The following CSTF3 variants were observed in gnomAD, a reference collection of about 807,000 sequenced individuals.
CSTF3 encodes cleavage stimulation factor subunit 3, also known as CF-1 77 kDa subunit.
In CSTF3, 29 loss-of-function variants were observed where a neutral mutation model predicts 105.8. The ratio of observed to expected loss-of-function variants is 0.27; its 90% CI spans 0.20 to 0.37. The LOEUF (loss-of-function observed/expected upper bound fraction) is 0.37. CSTF3 is among the 10% of genes least tolerant of loss of function. CSTF3 has a pLI of 1.00. For synonymous variants in CSTF3, 252 were observed against 281.9 expected, an observed-to-expected ratio of 0.89 and a Z score of 1.06; for missense variants, 357 against 879.3, an observed-to-expected ratio of 0.41 and a Z score of 7.51.
At chr11:33,150,680 AC>A (rs908910722) in intron 1 of CSTF3, among the ~76,000 whole-genome samples, 1 of 151,872 alleles carries the variant, frequency 6.6e-6, no homozygotes, top group Non-Finnish European at 1.5e-5. Context: ...ACATTGCGAA[AC>A]CCCATCTCTA....
intron 15 of CSTF3, among the ~76,000 whole-genome samples, chr11:33,095,819 C>A (rs868803506): frequency 6.2e-5 from 9 of 146,132 alleles, no homozygotes; most frequent in South Asian, 2.3e-4. Context: ...GACTCTGTCT[C>A]AAATAAATAA....
intron 15 of CSTF3, 31 bp from the exon 16 acceptor site, chr11:33,092,371 TA>T: frequency 7.0e-7 from 1 of 1,438,080 alleles, no homozygotes; most frequent in Middle Eastern, 1.8e-4. Context: ...TTAATTTTTT[TA>T]ATTCACTTTT....
chr11:33,114,622 G>A (rs901828615), intron 3 of CSTF3, among the ~76,000 whole-genome samples: 6 of 152,022 alleles, frequency 3.9e-5, no homozygotes, highest in Middle Eastern at 3.2e-3. Flanking sequence ...AGGCCGAGGC[G>A]GGTGGATCAC....
chr11:33,095,150 T>G (rs1855206852), intron 15 of CSTF3, among the ~76,000 whole-genome samples: 1 of 152,212 alleles, frequency 6.6e-6, no homozygotes, highest in South Asian at 2.1e-4. Context: ...TCTGCCTGCC[T>G]CGGCTTCCCA....
chr11:33,107,244 G>T (rs1334722981), intron 5 of CSTF3, among the ~76,000 whole-genome samples: 1 of 152,186 alleles, frequency 6.6e-6, no homozygotes, highest in African/African-American at 2.4e-5. Flanking sequence ...TTGAGCCCAA[G>T]AGGTTGAGGC....
In CSTF3 at chr11:33,107,898, C is replaced by A. The variant is rs1183430655; in HGVS notation, c.356+5G>T. ...TTGCATTCTTAAGATCCTGGTTTCA[C>A]TTACTTGTAACTTGGTAGTTTACCC... On this transcript the variant is annotated splice_donor_5th_base_variant and intron_variant, in intron 5 of 20. Coordinates refer to ENST00000323959, the MANE Select transcript of CSTF3 (RefSeq NM_001326.3). 6.4e-7 allele frequency: 1 copy of A among 1,570,602 alleles called. No homozygotes were observed. Among genetic ancestry groups the A allele is most frequent in the Non-Finnish European group, 8.7e-7 (1 of 1,145,042 alleles).
chr11:33,147,280 G>A (rs1432525304), intron 1 of CSTF3, among the ~76,000 whole-genome samples: 1 of 151,846 alleles, frequency 6.6e-6, no homozygotes, highest in African/African-American at 2.4e-5. Context: ...CTGGGTGACA[G>A]TGAGACACTG....
In CSTF3 at chr11:33,141,939, T is replaced by TAA; in HGVS notation, c.73_74dup (p.Leu25PhefsTer2). Reference sequence around the variant, plus strand: ...CATCAAGGTCATATGGATTCTCTTCTAATTTCTTTTCCGCTTTCTTCACCT... The same window carrying TAA: ...CATCAAGGTCATATGGATTCTCTTCTAAAATTTCTTTTCCGCTTTCTTCACCT... On this transcript the variant is annotated frameshift_variant, in exon 2 of 21. Coordinates refer to ENST00000323959, the MANE Select transcript of CSTF3 (RefSeq NM_001326.3). LOFTEE classifies it high-confidence loss of function. 1 of 1,612,076 alleles carries TAA rather than the reference T, an allele frequency of 6.2e-7. No individual in the cohort carries two copies. The highest frequency in any genetic ancestry group is 8.5e-7 in the Non-Finnish European group (1 of 1,179,436).
intron 3 of CSTF3, among the ~76,000 whole-genome samples, chr11:33,114,440 T>G (rs1166887737): frequency 1.4e-5 from 2 of 146,414 alleles, no homozygotes; most frequent in Admixed American, 1.4e-4. Flanking sequence ...AATTCAATTT[T>G]TTCCCTTATC....
chr11:33,129,476 A>G (rs1855577041), intron 3 of CSTF3, among the ~76,000 whole-genome samples: 1 of 152,038 alleles, frequency 6.6e-6, no homozygotes, highest in Non-Finnish European at 1.5e-5. Flanking sequence ...TTACTACCAG[A>G]TGACTTTTCT....
intron 3 of CSTF3, among the ~76,000 whole-genome samples, chr11:33,131,653 T>A (rs548459369): frequency 1.3e-4 from 20 of 151,872 alleles, no homozygotes; most frequent in Non-Finnish European, 2.8e-4. Context: ...GAGACCATCC[T>A]GGCTAACACA....
At chr11:33,149,621 CAG>C (rs1160215249) in intron 1 of CSTF3, among the ~76,000 whole-genome samples, 1 of 152,200 alleles carries the variant, frequency 6.6e-6, no homozygotes, top group South Asian at 2.1e-4. Context: ...ACAGGCTGGG[CAG>C]AGTGGCTCCC....
chr11:33,105,970 T>G (rs753750144), intron 6 of CSTF3, 28 bp downstream of exon 6: 24 of 1,584,082 alleles, frequency 1.5e-5, no homozygotes, highest in Non-Finnish European at 2.1e-5. Flanking sequence ...TACATTTAAG[T>G]GCATACATTA....
At chr11:33,122,552 A>G (rs1855501536) in intron 3 of CSTF3, among the ~76,000 whole-genome samples, 1 of 152,202 alleles carries the variant, frequency 6.6e-6, no homozygotes, top group Non-Finnish European at 1.5e-5. Context: ...AAACATTAAG[A>G]CTTAATTAAA....
chr11:33,147,411 A>G (rs1224888667), intron 1 of CSTF3, among the ~76,000 whole-genome samples: 1 of 150,724 alleles, frequency 6.6e-6, no homozygotes, highest in Non-Finnish European at 1.5e-5. Flanking sequence ...CCTGGCCAAC[A>G]TAGTAAAACC....
chr11:33,155,846 G>A (rs1407367), intron 1 of CSTF3, among the ~76,000 whole-genome samples: 83,176 of 150,520 alleles, frequency 0.55, 25,278 homozygotes, highest in Non-Finnish European at 0.68. Context: ...TAAAATCACC[G>A]TCACCAAATC....
In CSTF3 at chr11:33,161,442, C is replaced by T. The variant is rs1849942567; in HGVS notation, c.-117G>A. The stretch of plus-strand genomic sequence containing the variant: ...TACCCCCTGCCCAGCTGAGCCAGAC[C>T]GCCAACACCAATCGCCACCGCCCAC... On this transcript the variant is annotated 5_prime_UTR_variant, in exon 1 of 21. Coordinates refer to ENST00000323959, the MANE Select transcript of CSTF3 (RefSeq NM_001326.3). 9.5e-7 allele frequency: 1 copy of T among 1,048,718 alleles called. No homozygotes were observed. The highest frequency in any genetic ancestry group is 1.4e-6 in the Non-Finnish European group (1 of 696,228). 65.0% of individuals were successfully genotyped at this position (1,048,718 alleles called of 1,614,324 possible).
chr11:33,126,384 A>G (rs1855543296), intron 3 of CSTF3, among the ~76,000 whole-genome samples: 1 of 151,270 alleles, frequency 6.6e-6, no homozygotes. Context: ...TGGAGGTTAC[A>G]GGTTACAGTG....
chr11:33,135,470 T>C (rs1855644087), intron 3 of CSTF3, among the ~76,000 whole-genome samples: 1 of 152,108 alleles, frequency 6.6e-6, no homozygotes, highest in Non-Finnish European at 1.5e-5. Context: ...CCTCTAGAGA[T>C]TGAGTCAGCA....
Sources: allele counts gnomAD v4.1 joint callset (sites outside exome capture counted in the v4.1 genomes callset), GRCh38; gene constraint gnomAD v4.1.1; transcripts MANE v1.5; gene names NCBI Gene and HGNC (gene_info 2026-07-23, HGNC 2026-07-21).